KIF16B: variants seen among roughly 807,000 people sequenced by gnomAD.
KIF16B encodes kinesin-like protein KIF16B.
A neutral mutation model predicts 156.3 loss-of-function variants in KIF16B; 98 were observed. That is an observed-to-expected ratio of 0.63 (90% confidence interval 0.53 to 0.74). The LOEUF is 0.74. Among genes scored for constraint, KIF16B ranks in the 30% least tolerant of loss-of-function variants. KIF16B has a pLI of 0.00. For missense variants in KIF16B, 1,421 were observed against 1,606.5 expected (o/e 0.88, Z 1.97); for synonymous variants, 564 against 583.7 (o/e 0.97, Z 0.49).
intron 3 of KIF16B, among the ~76,000 whole-genome samples, chr20:16,525,676 C>T (rs10485555): frequency 0.12 from 18,156 of 152,220 alleles, 1,392 homozygotes; most frequent in Non-Finnish European, 0.18. Context: ...ATCCACACAA[C>T]CTGGGAACAC....
chr20:16,441,904 C>A (rs560700744), intron 12 of KIF16B, among the ~76,000 whole-genome samples: 64 of 152,272 alleles, frequency 4.2e-4, no homozygotes, highest in Non-Finnish European at 8.4e-4. Flanking sequence ...CTATATCTGT[C>A]TCTGTCTTTA....
At chr20:16,522,484 T>C (rs1330717345) in intron 3 of KIF16B, among the ~76,000 whole-genome samples, 1 of 152,136 alleles carries the variant, frequency 6.6e-6, no homozygotes, top group Non-Finnish European at 1.5e-5. Context: ...CCTAAATATA[T>C]ATGCACCCAA....
chr20:16,440,515 T>G (rs2066761984), intron 12 of KIF16B, among the ~76,000 whole-genome samples: 1 of 145,058 alleles, frequency 6.9e-6, no homozygotes, highest in African/African-American at 2.6e-5. Flanking sequence ...TACCTATGGT[T>G]AAAACACACA....
chr20:16,280,164 T>A (rs2063124205), intron 25 of KIF16B, among the ~76,000 whole-genome samples: 1 of 152,208 alleles, frequency 6.6e-6, no homozygotes, highest in Non-Finnish European at 1.5e-5. Context: ...GCAGCTTCTT[T>A]TGGGTTTTTC....
At chr20:16,416,126 T>C (rs2066080963) in intron 15 of KIF16B, among the ~76,000 whole-genome samples, 4 of 152,210 alleles carry the variant, frequency 2.6e-5, no homozygotes, top group Non-Finnish European at 5.9e-5. Context: ...GTCAGATGAA[T>C]AGATTACCAA....
chr20:16,499,677 T>C (rs981566004), intron 10 of KIF16B, among the ~76,000 whole-genome samples: 1 of 152,224 alleles, frequency 6.6e-6, no homozygotes, highest in Non-Finnish European at 1.5e-5. Flanking sequence ...GAATCCATTG[T>C]TGAGACTTTT....
intron 12 of KIF16B, among the ~76,000 whole-genome samples, chr20:16,473,756 T>C (rs1280302028): frequency 6.6e-6 from 1 of 152,196 alleles, no homozygotes; most frequent in Non-Finnish European, 1.5e-5. Flanking sequence ...TTCTGTGTCA[T>C]TAATTCAATG....
intron 24 of KIF16B, 68 bp downstream of exon 24, chr20:16,335,858 A>T: frequency 1.1e-6 from 1 of 939,642 alleles, no homozygotes; most frequent in Non-Finnish European, 1.7e-6. Context: ...TAACATTGCT[A>T]ATGCAATCAG....
chr20:16,543,502 A>C (rs1390450921), intron 1 of KIF16B, among the ~76,000 whole-genome samples: 1 of 152,234 alleles, frequency 6.6e-6, no homozygotes, highest in East Asian at 1.9e-4. Context: ...CTCATTACAC[A>C]TAACAGATGC....
chr20:16,385,790 G>A (rs930019211), intron 17 of KIF16B, among the ~76,000 whole-genome samples: 11 of 152,134 alleles, frequency 7.2e-5, no homozygotes, highest in Admixed American at 5.9e-4. Context: ...TAACAACCAC[G>A]GGGGACTCAC....
At chr20:16,495,538 G>A (rs2068425713) in intron 11 of KIF16B, among the ~76,000 whole-genome samples, 1 of 152,088 alleles carries the variant, frequency 6.6e-6, no homozygotes, top group Admixed American at 6.5e-5. Flanking sequence ...TAAGACTGTG[G>A]GAATTCTAGG....
chr20:16,435,801 T>A (rs1286948875), intron 12 of KIF16B, among the ~76,000 whole-genome samples: 1 of 152,194 alleles, frequency 6.6e-6, no homozygotes, highest in African/African-American at 2.4e-5. Flanking sequence ...TCTATTCTTT[T>A]CCTTGATATT....
At chr20:16,485,173 T>C (rs1315721464) in intron 12 of KIF16B, among the ~76,000 whole-genome samples, 3 of 152,124 alleles carry the variant, frequency 2.0e-5, no homozygotes, top group African/African-American at 7.2e-5. Flanking sequence ...CAAGACCAAA[T>C]CATCCCCAGC....
intron 1 of KIF16B, 114 bp from the exon 2 acceptor site, chr20:16,528,554 G>T: frequency 1.3e-6 from 1 of 755,050 alleles, no homozygotes. Flanking sequence ...TTTTCAAATG[G>T]CATCTGAGGA....
chr20:16,385,828 G>A (rs960129127), intron 17 of KIF16B, among the ~76,000 whole-genome samples: 1 of 152,166 alleles, frequency 6.6e-6, no homozygotes, highest in African/African-American at 2.4e-5. Flanking sequence ...TCTAGGTACT[G>A]TGAATTTAAT....
intron 1 of KIF16B, among the ~76,000 whole-genome samples, chr20:16,554,412 C>T (rs946586823): frequency 6.6e-5 from 10 of 152,196 alleles, no homozygotes; most frequent in Non-Finnish European, 1.2e-4. Flanking sequence ...GAGCTACCCA[C>T]TCCAGGGTCT....
intron 19 of KIF16B, among the ~76,000 whole-genome samples, chr20:16,375,767 G>C (rs1403083227): frequency 6.6e-6 from 1 of 152,028 alleles, no homozygotes; most frequent in Non-Finnish European, 1.5e-5. Context: ...GGGTTGTTAA[G>C]AATTGTCCTT....
intron 12 of KIF16B, among the ~76,000 whole-genome samples, chr20:16,444,603 T>C (rs1345757748): frequency 1.3e-5 from 2 of 152,222 alleles, no homozygotes; most frequent in East Asian, 3.9e-4. Flanking sequence ...AGCAGCAGTT[T>C]GCTGACCTCT....
intron 23 of KIF16B, among the ~76,000 whole-genome samples, chr20:16,339,022 A>G (rs1161981377): frequency 6.6e-6 from 1 of 152,050 alleles, no homozygotes; most frequent in Non-Finnish European, 1.5e-5. Flanking sequence ...GACGGAAGGG[A>G]AAGGCAAGTC....
Sources: allele counts gnomAD v4.1 joint callset (sites outside exome capture counted in the v4.1 genomes callset), GRCh38; gene constraint gnomAD v4.1.1; transcripts MANE v1.5; gene names NCBI Gene and HGNC (gene_info 2026-07-23, HGNC 2026-07-21).